PAIP1: variants seen among roughly 807,000 people sequenced by gnomAD.
PAIP1 encodes the protein poly(A) binding protein interacting protein 1, also known as polyadenylate-binding protein-interacting protein 1.
A neutral mutation model predicts 61.3 loss-of-function variants in PAIP1; 16 were observed. That is an observed-to-expected ratio of 0.26 (90% confidence interval 0.18 to 0.40). The LOEUF (loss-of-function observed/expected upper bound fraction) is 0.40. Ranked by LOEUF, PAIP1 falls within the 10% of genes least tolerant of loss-of-function variation. PAIP1 has a pLI of 1.00. For missense variants in PAIP1, 416 were observed against 600.9 expected (o/e 0.69, Z 3.22); for synonymous variants, 187 against 226.2 (o/e 0.83, Z 1.56).
intron 10 of PAIP1, among the ~76,000 whole-genome samples, chr5:43,528,752 T>A (rs1270175170): frequency 6.6e-6 from 1 of 151,522 alleles, no homozygotes; most frequent in Non-Finnish European, 1.5e-5. Flanking sequence ...AAAAAAAAAA[T>A]AAGTTCAAGA....
intron 4 of PAIP1, among the ~76,000 whole-genome samples, chr5:43,540,716 A>T (rs1166275543): frequency 6.6e-6 from 1 of 152,206 alleles, no homozygotes; most frequent in Non-Finnish European, 1.5e-5. Context: ...ATTTCTCTAC[A>T]TTATTATTGA....
chr5:43,548,972 G>C (rs1467684634), intron 2 of PAIP1, among the ~76,000 whole-genome samples: 1 of 151,998 alleles, frequency 6.6e-6, no homozygotes, highest in Non-Finnish European at 1.5e-5. Context: ...AGACAGTCTT[G>C]TTCTGTCGCC....
intron 4 of PAIP1, 68 bp downstream of exon 4, chr5:43,542,936 G>A: frequency 2.4e-6 from 2 of 836,644 alleles, no homozygotes; most frequent in Non-Finnish European, 4.1e-6. Context: ...ATAATATATG[G>A]TCTGAGGAAT....
At position 43,549,922 on chromosome 5, in the gene PAIP1, C is replaced by G. The variant is rs564063056; in HGVS notation, c.436-2009G>C. On this transcript the variant is annotated intron_variant, in intron 2 of 10. Coordinates refer to ENST00000306846, the MANE Select transcript of PAIP1 (RefSeq NM_006451.5). ...TATTTTTAGAGGAGATGGGGTTTCA[C>G]CATGTTGATCAGGATGGTCTCAAAC... Among the ~76,000 whole-genome samples the G allele has an allele frequency of 3.3e-5, 5 of 152,158 alleles. No individual in the cohort carries two copies. In the South Asian group the frequency reaches 1.0e-3, roughly 32 times the overall value.
chr5:43,536,677 C>T (rs564889573), intron 6 of PAIP1, 142 bp downstream of exon 6: 59 of 479,114 alleles, frequency 1.2e-4, no homozygotes, highest in African/African-American at 1.0e-3. Flanking sequence ...CTCGCTTTTC[C>T]AAAATATTCG....
chr5:43,531,484 T>TA (rs61298106), intron 9 of PAIP1, among the ~76,000 whole-genome samples: 1,979 of 123,432 alleles, frequency 0.016, 51 homozygotes, highest in African/African-American at 0.05. Context: ...CCTGTCTCAA[T>TA]AAAAAAAAAA....
chr5:43,537,609 T>C (rs1266083250), intron 5 of PAIP1, among the ~76,000 whole-genome samples: 2 of 151,978 alleles, frequency 1.3e-5, no homozygotes, highest in Non-Finnish European at 2.9e-5. Context: ...CATTGTCTTA[T>C]GATGTTTCTG....
chr5:43,540,313 T>A (rs1440021620), intron 4 of PAIP1, among the ~76,000 whole-genome samples: 1 of 152,246 alleles, frequency 6.6e-6, no homozygotes, highest in African/African-American at 2.4e-5. Flanking sequence ...AGTTAATTAA[T>A]GCCAAATCAG....
chr5:43,534,976 G>C lies in PAIP1; in HGVS notation c.1080-6C>G, dbSNP rs888616773. ...AGAGCATCTGTTTTACATCTCTGTA[G>C]ACAAAGTTGAAAATGAGTTAGTGTA... On this transcript the variant is annotated splice_polypyrimidine_tract_variant and splice_region_variant and intron_variant, in intron 7 of 10. Coordinates refer to ENST00000306846, the MANE Select transcript of PAIP1 (RefSeq NM_006451.5). 1 of 1,507,404 alleles carries C rather than the reference G, an allele frequency of 6.6e-7. No individual in the cohort carries two copies. Among genetic ancestry groups the C allele is most frequent in the Non-Finnish European group, 9.2e-7 (1 of 1,083,048 alleles). The allele number at this position is 1,507,404 out of a possible 1,614,324, so 93.4% of individuals were successfully genotyped here.
At chr5:43,541,316 GT>G (rs57486103) in intron 4 of PAIP1, among the ~76,000 whole-genome samples, 59,038 of 60,182 alleles carry the variant, frequency 0.98, 28,960 homozygotes, top group Middle Eastern at 1. Context: ...TATTTTTAGG[GT>G]TTTTTTTTGT....
At chr5:43,552,760 G>C (rs945299750) in intron 2 of PAIP1, among the ~76,000 whole-genome samples, 21 of 152,270 alleles carry the variant, frequency 1.4e-4, no homozygotes, top group African/African-American at 4.1e-4. Flanking sequence ...CAATGGGAGG[G>C]AGCTTCTGAT....
intron 5 of PAIP1, among the ~76,000 whole-genome samples, chr5:43,538,483 A>G (rs1420566622): frequency 6.6e-6 from 1 of 152,168 alleles, no homozygotes; most frequent in Admixed American, 6.6e-5. Context: ...ATTTTTAAAA[A>G]ACTATTTGGG....
At chr5:43,529,942 C>A in intron 9 of PAIP1, 63 bp from the exon 10 acceptor site, 1 of 788,204 alleles carries the variant, frequency 1.3e-6, no homozygotes, top group Non-Finnish European at 2.3e-6. Context: ...TGACCAATCA[C>A]CCCTAAATGT....
At chr5:43,532,156 TAA>T (rs1195303278) in intron 9 of PAIP1, among the ~76,000 whole-genome samples, 1 of 152,146 alleles carries the variant, frequency 6.6e-6, no homozygotes, top group Non-Finnish European at 1.5e-5. Flanking sequence ...TGAATTTCTG[TAA>T]ATCGAACAGT....
chr5:43,528,438 G>T (rs1324300519), intron 10 of PAIP1, among the ~76,000 whole-genome samples: 1 of 151,976 alleles, frequency 6.6e-6, no homozygotes, highest in African/African-American at 2.4e-5. Flanking sequence ...AGGGCCATGT[G>T]TTGAAATAAC....
chr5:43,553,823 A>T (rs533614582), intron 2 of PAIP1, among the ~76,000 whole-genome samples: 1 of 152,328 alleles, frequency 6.6e-6, no homozygotes, highest in African/African-American at 2.4e-5. Flanking sequence ...GACTCCATCT[A>T]AAGAGAATGC....
At chr5:43,533,716 G>A in intron 9 of PAIP1, 22 bp downstream of exon 9, 1 of 1,474,042 alleles carries the variant, frequency 6.8e-7, no homozygotes, top group African/African-American at 1.4e-5. Flanking sequence ...TGGGAGGAGG[G>A]AATGACTGTG....
chr5:43,538,140 T>G (rs1271143932), intron 5 of PAIP1, among the ~76,000 whole-genome samples: 1 of 152,102 alleles, frequency 6.6e-6, no homozygotes, highest in Non-Finnish European at 1.5e-5. Context: ...CTGTAGACTT[T>G]GTACAAATGC....
chr5:43,549,065 C>T (rs1561237094), intron 2 of PAIP1, among the ~76,000 whole-genome samples: 1 of 152,146 alleles, frequency 6.6e-6, no homozygotes, highest in Non-Finnish European at 1.5e-5. Context: ...CTCAGCCTCT[C>T]AAGTAGCTGG....
Sources: allele counts gnomAD v4.1 joint callset (sites outside exome capture counted in the v4.1 genomes callset), GRCh38; gene constraint gnomAD v4.1.1; transcripts MANE v1.5; gene names NCBI Gene and HGNC (gene_info 2026-07-23, HGNC 2026-07-21).